The following BRINP3 variants were observed in gnomAD, a reference collection of about 807,000 sequenced individuals.
The protein encoded by BRINP3 is BMP/retinoic acid inducible neural specific 3.
In BRINP3, 19 loss-of-function variants were observed where a neutral mutation model predicts 71.0. The observed-to-expected ratio is 0.27, with a 90% CI of 0.19 to 0.39. The LOEUF is 0.39. BRINP3 is among the 10% of genes least tolerant of loss of function. The pLI, the probability that BRINP3 is intolerant of heterozygous loss-of-function variation, is 1.00. For synonymous variants in BRINP3, 380 were observed against 337.7 expected (o/e 1.13, Z -1.37); for missense variants, 959 against 940.8 (o/e 1.02, Z -0.25).
intron 2 of BRINP3, among the ~76,000 whole-genome samples, chr1:190,417,825 A>G (rs1419240768): frequency 6.6e-6 from 1 of 152,214 alleles, no homozygotes; most frequent in African/African-American, 2.4e-5. Flanking sequence ...GGAAGAAAGA[A>G]ATATTGGAAG....
intron 2 of BRINP3, among the ~76,000 whole-genome samples, chr1:190,406,803 A>G (rs1400110617): frequency 6.6e-6 from 1 of 152,092 alleles, no homozygotes; most frequent in South Asian, 2.1e-4. Context: ...TAATTATAAG[A>G]TTATTTAATA....
chr1:190,156,526 T>G (rs956239406), intron 7 of BRINP3, among the ~76,000 whole-genome samples: 6 of 150,888 alleles, frequency 4.0e-5, no homozygotes, highest in Non-Finnish European at 7.4e-5. Context: ...TTTTTTTTTG[T>G]TTTCCTGATG....
chr1:190,308,728 A>G (rs1665306217), intron 2 of BRINP3, among the ~76,000 whole-genome samples: 1 of 152,016 alleles, frequency 6.6e-6, no homozygotes, highest in South Asian at 2.1e-4. Flanking sequence ...ATGTAGTTAA[A>G]AGATTCTGAA....
At chr1:190,279,925 T>G (rs762149676) in intron 3 of BRINP3, among the ~76,000 whole-genome samples, 2 of 151,916 alleles carry the variant, frequency 1.3e-5, no homozygotes, top group Non-Finnish European at 2.9e-5. Context: ...AAGTGTAGTT[T>G]TACTTGTTTA....
chr1:190,292,679 A>G (rs531153147), intron 2 of BRINP3, among the ~76,000 whole-genome samples: 1 of 152,186 alleles, frequency 6.6e-6, no homozygotes, highest in Non-Finnish European at 1.5e-5. Flanking sequence ...CAGAAGAGTA[A>G]AGTCTATTTT....
chr1:190,241,090 T>A (rs1447534546), intron 4 of BRINP3, among the ~76,000 whole-genome samples: 1 of 152,012 alleles, frequency 6.6e-6, no homozygotes, highest in Non-Finnish European at 1.5e-5. Context: ...TGGTAGAAAT[T>A]AAAAATGTTT....
intron 4 of BRINP3, among the ~76,000 whole-genome samples, chr1:190,258,473 G>A (rs1571542144): frequency 6.6e-6 from 1 of 151,578 alleles, no homozygotes; most frequent in East Asian, 1.9e-4. Flanking sequence ...CTCATTCTTG[G>A]AAAAGATCAA....
At chr1:190,435,466 C>T (rs1292085648) in intron 2 of BRINP3, among the ~76,000 whole-genome samples, 2 of 150,488 alleles carry the variant, frequency 1.3e-5, no homozygotes, top group African/African-American at 4.9e-5. Context: ...ATCGAGCAGA[C>T]CAAAAAATAA....
intron 2 of BRINP3, among the ~76,000 whole-genome samples, chr1:190,439,482 GAAGA>G (rs1465979609): frequency 2.0e-5 from 3 of 151,766 alleles, no homozygotes; most frequent in Non-Finnish European, 4.4e-5. Context: ...CTCCAAGGCA[GAAGA>G]AATAGCATCT....
chr1:190,235,200 C>A (rs1415024378), intron 4 of BRINP3, among the ~76,000 whole-genome samples: 2 of 152,004 alleles, frequency 1.3e-5, no homozygotes, highest in African/African-American at 4.8e-5. Context: ...CCATTTCCAT[C>A]CAATTTTGGT....
intron 2 of BRINP3, among the ~76,000 whole-genome samples, chr1:190,437,138 A>G (rs925632546): frequency 2.6e-5 from 4 of 151,750 alleles, no homozygotes; most frequent in African/African-American, 7.2e-5. Context: ...AATGACTTCA[A>G]TGGATTTTTT....
At chr1:190,167,689 C>A (rs1011875675) in intron 6 of BRINP3, among the ~76,000 whole-genome samples, 3 of 152,188 alleles carry the variant, frequency 2.0e-5, no homozygotes, top group Non-Finnish European at 4.4e-5. Context: ...GGCATGGGAA[C>A]CTCGGAACTG....
intron 6 of BRINP3, among the ~76,000 whole-genome samples, chr1:190,195,667 G>A (rs769571248): frequency 4.0e-5 from 6 of 151,826 alleles, no homozygotes; most frequent in Non-Finnish European, 8.8e-5. Flanking sequence ...AGAGCTGTAA[G>A]CTTTTCTAAT....
chr1:190,245,699 C>T (rs1659532136), intron 4 of BRINP3, among the ~76,000 whole-genome samples: 1 of 151,252 alleles, frequency 6.6e-6, no homozygotes, highest in African/African-American at 2.4e-5. Context: ...GTGTGCTGCA[C>T]CCATCAACTC....
chr1:190,447,788 C>T (rs1675328684), intron 2 of BRINP3, among the ~76,000 whole-genome samples: 1 of 151,342 alleles, frequency 6.6e-6, no homozygotes, highest in African/African-American at 2.4e-5. Context: ...TTAACTTTTG[C>T]TTAAATAACC....
intron 2 of BRINP3, among the ~76,000 whole-genome samples, chr1:190,359,447 T>C (rs1668985019): frequency 6.6e-6 from 1 of 152,026 alleles, no homozygotes; most frequent in South Asian, 2.1e-4. Flanking sequence ...ATTATGCCTA[T>C]ATAATGAGGC....
At chr1:190,334,536 T>A (rs1667166052) in intron 2 of BRINP3, among the ~76,000 whole-genome samples, 1 of 151,814 alleles carries the variant, frequency 6.6e-6, no homozygotes, top group African/African-American at 2.4e-5. Context: ...ATGACTCTTA[T>A]CCTTGAATAA....
At chr1:190,323,925 TGAAAA>T (rs1295440036) in intron 2 of BRINP3, among the ~76,000 whole-genome samples, 1 of 151,890 alleles carries the variant, frequency 6.6e-6, no homozygotes, top group African/African-American at 2.4e-5. Context: ...AAATTGTTGT[TGAAAA>T]GAAAACAAAT....
At chr1:190,395,973 AGAAG>A (rs570984411) in intron 2 of BRINP3, among the ~76,000 whole-genome samples, 8 of 148,800 alleles carry the variant, frequency 5.4e-5, no homozygotes, top group East Asian at 4.0e-4. Flanking sequence ...GCAGAAGGAA[AGAAG>A]GAAGGAAGGA....
Sources: allele counts gnomAD v4.1 joint callset (sites outside exome capture counted in the v4.1 genomes callset), GRCh38; gene constraint gnomAD v4.1.1; transcripts MANE v1.5; gene names NCBI Gene and HGNC (gene_info 2026-07-23, HGNC 2026-07-21).